The following USP34 variants were observed in gnomAD, a reference collection of about 807,000 sequenced individuals.
The protein encoded by USP34 is ubiquitin specific peptidase 34, also known as ubiquitin carboxyl-terminal hydrolase 34.
In USP34, 70 loss-of-function variants were observed where a neutral mutation model predicts 460.3. The ratio of observed to expected loss-of-function variants is 0.15; its 90% CI spans 0.13 to 0.19. The LOEUF is 0.19. Ranked by LOEUF, USP34 falls within the 10% of genes least tolerant of loss-of-function variation. USP34 has a pLI of 1.00. For missense variants in USP34, 3,985 were observed against 4,236.2 expected (o/e 0.94, Z 1.65); for synonymous variants, 1,647 against 1,405.3 (o/e 1.17, Z -3.85).
intron 1 of USP34, among the ~76,000 whole-genome samples, chr2:61,428,397 T>A (rs1315769617): frequency 6.6e-6 from 1 of 152,174 alleles, no homozygotes; most frequent in Non-Finnish European, 1.5e-5. Context: ...TTTCTCCTGA[T>A]ACAGATAGTC....
At chr2:61,469,857 C>G (rs1695895437) in intron 1 of USP34, among the ~76,000 whole-genome samples, 1 of 151,730 alleles carries the variant, frequency 6.6e-6, no homozygotes, top group Non-Finnish European at 1.5e-5. Context: ...TTGCAAGGGT[C>G]GAGAATAAAA....
At chr2:61,200,682 T>C (rs1230260541) in intron 75 of USP34, 1 of 152,300 alleles carries the variant, frequency 6.6e-6, no homozygotes, top group Non-Finnish European at 1.5e-5. Context: ...TGATTAAAGA[T>C]ATAACCAATT....
At chr2:61,282,187 C>T (rs1416419703) in intron 37 of USP34, among the ~76,000 whole-genome samples, 2 of 152,244 alleles carry the variant, frequency 1.3e-5, no homozygotes, top group African/African-American at 2.4e-5. Flanking sequence ...GATAGGGTTT[C>T]ACCATGTTGG....
At chr2:61,385,690 A>G (rs1371578077) in intron 5 of USP34, among the ~76,000 whole-genome samples, 1 of 148,716 alleles carries the variant, frequency 6.7e-6, no homozygotes, top group Non-Finnish European at 1.5e-5. Context: ...AAAAAAAAAA[A>G]AAAAGAAATA....
chr2:61,348,055 G>A lies in USP34; in HGVS notation c.2100C>T (p.Asp700=), dbSNP rs778249192. The change falls in exon 15 of 80, where the codon GAC becomes GAT. Residue 700 remains aspartate, a synonymous_variant. Coordinates refer to ENST00000398571, the MANE Select transcript of USP34 (RefSeq NM_014709.4). The stretch of plus-strand genomic sequence containing the variant: ...TTTCCCCTGAAATATCATGTTCTGG[G>A]TCTTCAGAGTGTGAACAAGCATCCA... ...RMLDACSHSE[D]PEHDISGEMN... 2 of 1,614,102 alleles carry A rather than the reference G, an allele frequency of 1.2e-6. No homozygotes were observed. The highest frequency in any genetic ancestry group is 2.2e-5 in the East Asian group (1 of 44,872).
intron 74 of USP34, 132 bp downstream of exon 74, chr2:61,204,124 C>G (rs1687049746): frequency 8.0e-6 from 10 of 1,243,262 alleles, no homozygotes. Context: ...AGGAAAAAGT[C>G]CAAATGAATC....
intron 1 of USP34, among the ~76,000 whole-genome samples, chr2:61,449,850 G>T (rs944094035): frequency 6.6e-6 from 1 of 152,036 alleles, no homozygotes; most frequent in Non-Finnish European, 1.5e-5. Context: ...GGTGGATCAC[G>T]AAGTCAGGAG....
At position 61,236,151 on chromosome 2, in the gene USP34, T is replaced by C. The variant is rs748711600; in HGVS notation, c.6918+10A>G. 1.1e-5 allele frequency: 18 copies of C among 1,602,910 alleles called. No individual in the cohort carries two copies. Among genetic ancestry groups the C allele is most frequent in the Admixed American group, 1.7e-5 (1 of 57,236 alleles). ...TTGACAGAATTATTTAAAGTTCATA[T>C]ATTTATTACCTTTGCTGTCATTAAG... On this transcript the variant is annotated intron_variant, in intron 55 of 79. Transcript: ENST00000398571.
chr2:61,275,636 ACT>A lies in USP34; in HGVS notation c.5433+2527_5433+2528del, dbSNP rs1689351583. Among the ~76,000 whole-genome samples the A allele has an allele frequency of 2.6e-5, 4 of 151,666 alleles. No individual in the cohort carries two copies. The South Asian group carries it at 8.3e-4, about 32-fold the overall frequency. On this transcript the variant is annotated intron_variant, in intron 41 of 79. Transcript: ENST00000398571. ...CTGTCCCTTTTTTTTTTTTAAATGA[ACT>A]GTTTATATACTGAATTTGAAAATAT...
Position 61,188,380 on chromosome 2 carries a change from A to G in USP34, c.10363T>C (p.Cys3455Arg). 6.2e-7 allele frequency: 1 copy of G among 1,614,054 alleles called. No homozygotes were observed. Among genetic ancestry groups the G allele is most frequent in the East Asian group, 2.2e-5 (1 of 44,892 alleles). Residue 3455 changes from cysteine to arginine, a missense_variant, in exon 80 of 80, where the codon TGT becomes CGT. By Grantham distance (180) the Cys-to-Arg change is radical (BLOSUM62 -3). Transcript: ENST00000398571. ...TCAGCTAGGGTAGAATCCTTGGAAC[A>G]GTGGAGGTCTTTAAATTCTTTACAA... is the stretch of plus-strand genomic sequence containing the variant. ...DDCKEFKDLH[C>R]SKDSTLAEEE...
chr2:61,284,739 G>C, intron 35 of USP34, 136 bp downstream of exon 35: 1 of 602,342 alleles, frequency 1.7e-6, no homozygotes, highest in Non-Finnish European at 2.8e-6. Context: ...ACGTAAATTT[G>C]GATGGAAGGT....
At chr2:61,323,606 G>T (rs1225016841) in intron 21 of USP34, among the ~76,000 whole-genome samples, 1 of 152,130 alleles carries the variant, frequency 6.6e-6, no homozygotes, top group Non-Finnish European at 1.5e-5. Context: ...TCACTTGGAG[G>T]GCAGGTGAAG....
rs759549019 is a variant in USP34, at chr2:61,395,240, A to T, written c.553-7T>A. 2.4e-5 allele frequency: 13 copies of T among 538,848 alleles called. No homozygotes were observed. The highest frequency in any genetic ancestry group is 1.3e-4 in the East Asian group (2 of 15,612). 33.4% of individuals were successfully genotyped at this position (538,848 alleles called of 1,614,324 possible). ...TTTCTTGAGTTGATATATCCTAATTAAAAAAAAAAAAGCAAGTAAAATTAG... is the reference window on the plus strand; with the variant it reads ...TTTCTTGAGTTGATATATCCTAATTTAAAAAAAAAAAGCAAGTAAAATTAG... On this transcript the variant is annotated splice_polypyrimidine_tract_variant and splice_region_variant and intron_variant, in intron 3 of 79. Coordinates refer to ENST00000398571, the MANE Select transcript of USP34 (RefSeq NM_014709.4).
chr2:61,411,950 G>A (rs1462184465), intron 2 of USP34, among the ~76,000 whole-genome samples: 1 of 152,116 alleles, frequency 6.6e-6, no homozygotes, highest in Non-Finnish European at 1.5e-5. Context: ...AGCACTTTGG[G>A]AGGCTGAGGC....
At chr2:61,349,023 G>A in intron 13 of USP34, 137 bp from the exon 14 acceptor site, 2 of 1,122,544 alleles carry the variant, frequency 1.8e-6, no homozygotes, top group Non-Finnish European at 2.4e-6. Context: ...CTCTAAATAT[G>A]TTAACATTTG....
chr2:61,468,108 C>A (rs1695836290), intron 1 of USP34, among the ~76,000 whole-genome samples: 1 of 152,088 alleles, frequency 6.6e-6, no homozygotes, highest in Admixed American at 6.6e-5. Flanking sequence ...TCCATCATAG[C>A]CACGGATAAG....
At chr2:61,401,453 G>C (rs927176570) in intron 3 of USP34, among the ~76,000 whole-genome samples, 3 of 150,316 alleles carry the variant, frequency 2.0e-5, no homozygotes, top group African/African-American at 7.3e-5. Context: ...GCCCAGCCTA[G>C]ACTTAAACTC....
Position 61,350,691 on chromosome 2 carries a change from C to A in USP34, c.1254G>T (p.Leu418Phe). The A allele has an allele frequency of 1.9e-6, 3 of 1,606,322 alleles. No individual in the cohort carries two copies. The South Asian group carries it at 3.4e-5, about 18-fold the overall frequency. ...CATGTATATACCGACTACAATGTTTCAACTAGAAAATCAAGTTAGAGAGAA... is the reference window on the plus strand; with the variant it reads ...CATGTATATACCGACTACAATGTTTAAACTAGAAAATCAAGTTAGAGAGAA... ...HIDCIWAAAQLKHCSRYIHDL... is the reference protein window; with the variant it reads ...HIDCIWAAAQFKHCSRYIHDL... The change falls in exon 11 of 80, where the codon TTG (leucine) becomes TTT (phenylalanine). Residue 418 changes from leucine (L) to phenylalanine (F), a missense_variant and splice_region_variant. Leu to Phe is a conservative substitution (Grantham distance 22). Coordinates refer to ENST00000398571, the MANE Select transcript of USP34 (RefSeq NM_014709.4).
chr2:61,437,892 G>C (rs976959586), intron 1 of USP34, among the ~76,000 whole-genome samples: 1 of 151,974 alleles, frequency 6.6e-6, no homozygotes, highest in Non-Finnish European at 1.5e-5. Flanking sequence ...GTGCAGGACT[G>C]ATGGGTTCAC....
Sources: allele counts gnomAD v4.1 joint callset (sites outside exome capture counted in the v4.1 genomes callset), GRCh38; gene constraint gnomAD v4.1.1; transcripts MANE v1.5; gene names NCBI Gene and HGNC (gene_info 2026-07-23, HGNC 2026-07-21).